Variants in CHN2 observed in about 807,000 individuals in gnomAD.
CHN2 encodes the protein chimerin 2.
CHN2 carries 35 observed loss-of-function variants against 56.3 expected under a neutral mutation model. That is an observed-to-expected ratio of 0.62 (90% CI 0.47 to 0.82). The LOEUF is 0.82. Among genes scored for constraint, CHN2 ranks in the 40% least tolerant of loss-of-function variants. The probability of loss-of-function intolerance (pLI) is 0.00; values close to 1 mark genes in which losing one functional copy is unlikely to be tolerated. For missense variants in CHN2, 491 were observed against 580.5 expected, an observed-to-expected ratio of 0.85 and a Z score of 1.58; for synonymous variants, 210 against 212.8, an observed-to-expected ratio of 0.99 and a Z score of 0.12.
At chr7:29,473,860 A>G (rs7809095) in intron 6 of CHN2, among the ~76,000 whole-genome samples, 102,400 of 151,820 alleles carry the variant, frequency 0.67, 34,682 homozygotes, top group East Asian at 0.77. Context: ...GACAATCTCA[A>G]TGGTTAAGAA....
At chr7:29,160,469 T>G (rs891578827) in intron 2 of CHN2, among the ~76,000 whole-genome samples, 1 of 152,198 alleles carries the variant, frequency 6.6e-6, no homozygotes, top group African/African-American at 2.4e-5. Context: ...CCCTAGTCAG[T>G]CATGGCTACC....
chr7:29,297,995 G>T (rs1353218458), intron 1 of CHN2, among the ~76,000 whole-genome samples: 1 of 152,300 alleles, frequency 6.6e-6, no homozygotes, highest in East Asian at 1.9e-4. Context: ...AATACCTGGG[G>T]TTCGTGAGGG....
At chr7:29,210,911 G>C (rs747199377) in intron 1 of CHN2, among the ~76,000 whole-genome samples, 160 of 152,278 alleles carry the variant, frequency 1.1e-3, no homozygotes, top group Non-Finnish European at 3.1e-4. Context: ...CCAGTAGAGT[G>C]AGAAAGGGGT....
Position 29,512,992 on chromosome 7 carries a change from G to A in CHN2, c.*257G>A. On this transcript the variant is annotated 3_prime_UTR_variant, in exon 13 of 13. Transcript: ENST00000222792. ...TATGTATGTCTGGTTTGCTGGAAGA[G>A]TGATTAATACATCTTTAATTTATTA... is the stretch of plus-strand genomic sequence containing the variant. The A allele has an allele frequency of 2.8e-6, 1 of 359,726 alleles. No individual in the cohort carries two copies. The highest frequency in any genetic ancestry group is 5.0e-6 in the Non-Finnish European group (1 of 200,652). The allele number at this position is 359,726 out of a possible 1,614,324, so 22.3% of individuals were successfully genotyped here.
chr7:29,341,150 G>A (rs1357605546), intron 1 of CHN2, among the ~76,000 whole-genome samples: 1 of 152,122 alleles, frequency 6.6e-6, no homozygotes, highest in Non-Finnish European at 1.5e-5. Flanking sequence ...GGTTCTTCTT[G>A]GTTATTGACA....
At chr7:29,340,270 A>G (rs1463396813) in intron 1 of CHN2, among the ~76,000 whole-genome samples, 1 of 152,120 alleles carries the variant, frequency 6.6e-6, no homozygotes, top group Non-Finnish European at 1.5e-5. Context: ...ATATATGCCT[A>G]TTTGAATTAA....
chr7:29,424,141 C>T (rs897787332), intron 6 of CHN2, among the ~76,000 whole-genome samples: 5 of 152,168 alleles, frequency 3.3e-5, no homozygotes, highest in African/African-American at 9.7e-5. Context: ...CCAGAAAGTC[C>T]TAAAGAAGAA....
intron 6 of CHN2, among the ~76,000 whole-genome samples, chr7:29,473,480 T>TGTGTGTGTGTGTG (rs1221993716): frequency 7.6e-5 from 10 of 130,900 alleles, no homozygotes; most frequent in Admixed American, 3.8e-4. Flanking sequence ...GTTTTTTTTT[T>TGTGTGTGTGTGTG]TTTGTGTGTG....
intron 10 of CHN2, among the ~76,000 whole-genome samples, chr7:29,505,525 A>G (rs1790469734): frequency 6.6e-6 from 1 of 152,164 alleles, no homozygotes; most frequent in Admixed American, 6.5e-5. Flanking sequence ...TGCACACTCC[A>G]GCAATCCTGA....
At chr7:29,222,710 T>TA (rs918676521) in intron 1 of CHN2, among the ~76,000 whole-genome samples, 1 of 152,152 alleles carries the variant, frequency 6.6e-6, no homozygotes, top group Non-Finnish European at 1.5e-5. Flanking sequence ...GCAATCCCAA[T>TA]AAAAATCAGT....
chr7:29,259,617 GATAA>G lies in CHN2; in HGVS notation c.49+64634_49+64637del, dbSNP rs375155346. On this transcript the variant is annotated intron_variant, in intron 1 of 12. Coordinates refer to ENST00000222792, the MANE Select transcript of CHN2 (RefSeq NM_004067.4). ...AAGTTGGTACAAACTTCAGTTATAA[GATAA>G]ATAAATTCTGGGGACCTAACATATA... Among the ~76,000 whole-genome samples, 33 of 152,184 alleles carry G rather than the reference GATAA, an allele frequency of 2.2e-4. No homozygotes were observed. In the South Asian group the frequency reaches 6.4e-3, roughly 30 times the overall value.
rs1790009751 is a variant in CHN2, at chr7:29,264,918, T to C, written c.49+69928T>C. Among the ~76,000 whole-genome samples, 12 of 131,742 alleles carry C rather than the reference T, an allele frequency of 9.1e-5. No individual in the cohort carries two copies. In the Admixed American group the frequency reaches 9.9e-4, roughly 11 times the overall value. The allele number at this position is 131,742 out of a possible 152,430, so 86.4% of individuals were successfully genotyped here. On this transcript the variant is annotated intron_variant, in intron 1 of 12. Coordinates refer to ENST00000222792, the MANE Select transcript of CHN2 (RefSeq NM_004067.4). ...ATTTAGGTAGAGTAAATCATTAGAC[T>C]TTTTAAAGGAGATCTGTTATTTCTT...
intron 2 of CHN2, chr7:29,185,428 G>A (rs914606387): frequency 6.6e-6 from 1 of 152,056 alleles, no homozygotes; most frequent in African/African-American, 2.4e-5. Context: ...GTGGTTACAC[G>A]CTCTTGATAA....
intron 1 of CHN2, among the ~76,000 whole-genome samples, chr7:29,276,902 T>C (rs1024615056): frequency 5.3e-5 from 8 of 152,222 alleles, no homozygotes; most frequent in African/African-American, 1.9e-4. Context: ...CAGGATTTTC[T>C]GCTTGATCTT....
intron 2 of CHN2, among the ~76,000 whole-genome samples, chr7:29,155,246 T>C (rs1332180806): frequency 1.3e-5 from 2 of 152,054 alleles, no homozygotes; most frequent in Non-Finnish European, 2.9e-5. Flanking sequence ...TAAACTTGGG[T>C]TGCACCATTT....
At chr7:29,374,336 A>G (rs191566716) in intron 3 of CHN2, among the ~76,000 whole-genome samples, 24 of 152,278 alleles carry the variant, frequency 1.6e-4, no homozygotes, top group Admixed American at 3.3e-4. Flanking sequence ...AATGTTAGAA[A>G]TAAAATTTTG....
chr7:29,436,363 T>C (rs919809095), intron 6 of CHN2, among the ~76,000 whole-genome samples: 1 of 152,214 alleles, frequency 6.6e-6, no homozygotes, highest in African/African-American at 2.4e-5. Context: ...ATGCTTATAG[T>C]TGAATATTTT....
intron 3 of CHN2, among the ~76,000 whole-genome samples, chr7:29,384,776 G>A (rs564256054): frequency 2.6e-5 from 4 of 152,234 alleles, no homozygotes; most frequent in South Asian, 2.1e-4. Flanking sequence ...TCTGAGCCCC[G>A]TACTGGACAG....
Position 29,501,289 on chromosome 7 carries a change from C to T in CHN2, c.913+1249C>T, listed in dbSNP as rs770235593. Among the ~76,000 whole-genome samples, 4 of 152,318 alleles carry T rather than the reference C, an allele frequency of 2.6e-5. No individual in the cohort carries two copies. The South Asian group carries it at 8.3e-4, about 32-fold the overall frequency. On this transcript the variant is annotated intron_variant, in intron 9 of 12. Coordinates refer to ENST00000222792, the MANE Select transcript of CHN2 (RefSeq NM_004067.4). ...AGAAATGCCTTCTATCTTTTCACCACTGTGGCTGACAGAGCTTAATGAGTG... is the reference window on the plus strand; with the variant it reads ...AGAAATGCCTTCTATCTTTTCACCATTGTGGCTGACAGAGCTTAATGAGTG...
Sources: allele counts gnomAD v4.1 joint callset (sites outside exome capture counted in the v4.1 genomes callset), GRCh38; gene constraint gnomAD v4.1.1; transcripts MANE v1.5; gene names NCBI Gene and HGNC (gene_info 2026-07-23, HGNC 2026-07-21).